The following ARHGEF7 variants were observed in gnomAD, a reference collection of about 807,000 sequenced individuals.
ARHGEF7 encodes PAK-interacting exchange factor beta.
ARHGEF7 carries 33 observed loss-of-function variants against 109.8 expected under a neutral mutation model. The ratio of observed to expected loss-of-function variants is 0.30; its 90% CI spans 0.23 to 0.40. ARHGEF7 has a LOEUF of 0.40. Ranked by LOEUF, ARHGEF7 falls within the 10% of genes least tolerant of loss-of-function variation. ARHGEF7 has a pLI of 1.00. For synonymous variants in ARHGEF7, 458 were observed against 424.6 expected, an observed-to-expected ratio of 1.08 and a Z score of -0.97; for missense variants, 938 against 1,098.5, an observed-to-expected ratio of 0.85 and a Z score of 2.07.
At chr13:111,235,933 T>G (rs953244126) in intron 6 of ARHGEF7, among the ~76,000 whole-genome samples, 1 of 152,216 alleles carries the variant, frequency 6.6e-6, no homozygotes, top group Non-Finnish European at 1.5e-5. Flanking sequence ...GAATGACTTG[T>G]CTTAACTTGG....
At chr13:111,256,940 C>G (rs1042884037) in intron 8 of ARHGEF7, among the ~76,000 whole-genome samples, 3 of 152,258 alleles carry the variant, frequency 2.0e-5, no homozygotes, top group African/African-American at 7.2e-5. Context: ...TATTCACCAG[C>G]TGGTCTTCAA....
At chr13:111,194,758 T>C (rs2080295515) in intron 2 of ARHGEF7, among the ~76,000 whole-genome samples, 1 of 152,242 alleles carries the variant, frequency 6.6e-6, no homozygotes, top group South Asian at 2.1e-4. Flanking sequence ...AGGTGAGGGC[T>C]ATCCCTAAAC....
At chr13:111,147,150 G>C (rs2075636105) in intron 1 of ARHGEF7, among the ~76,000 whole-genome samples, 1 of 152,168 alleles carries the variant, frequency 6.6e-6, no homozygotes, top group African/African-American at 2.4e-5. Context: ...TATAAATAAA[G>C]CTATGAACAT....
intron 5 of ARHGEF7, among the ~76,000 whole-genome samples, chr13:111,226,474 T>C (rs2085225289): frequency 6.6e-6 from 1 of 152,210 alleles, no homozygotes; most frequent in Non-Finnish European, 1.5e-5. Flanking sequence ...CCTTAAGAAT[T>C]ATGCTTAACC....
rs2075529726 is a variant in ARHGEF7, at chr13:111,145,186, G to C, written c.166-8719G>C. ...ATGGTAGTGGTGATAGTCTGTTTGT[G>C]GAAGCATTAGAATTCATTTAATCTG... On this transcript the variant is annotated intron_variant, in intron 1 of 21. Coordinates refer to ENST00000646102, the MANE Select transcript of ARHGEF7 (RefSeq NM_001354046.2). This position sits in a 1 kb window ranked among gnomAD's most constrained non-coding sequence, Gnocchi z 4.3. Among the ~76,000 whole-genome samples the C allele has an allele frequency of 1.3e-5, 2 of 152,098 alleles. No homozygotes were observed. Among genetic ancestry groups the C allele is most frequent in the Non-Finnish European group, 2.9e-5 (2 of 68,028 alleles).
Position 111,273,868 on chromosome 13 carries a change from C to T in ARHGEF7, c.1128C>T (p.Leu376=), listed in dbSNP as rs762841111. The T allele has an allele frequency of 1.8e-5, 29 of 1,614,068 alleles. No homozygotes were observed. The East Asian group carries it at 3.3e-4, about 19-fold the overall frequency. Residue 376 remains leucine, a synonymous_variant, in exon 10 of 22, where the codon CTC becomes CTT. Coordinates refer to ENST00000646102, the MANE Select transcript of ARHGEF7 (RefSeq NM_001354046.2). The surrounding 1 kb of genome is among the most constrained non-coding windows in gnomAD (Gnocchi z 4.5). ...ETKGASSPGI[L]VLTTGLSKPF... is the part of the protein sequence containing the mutation. ...AAGGTGCCAGCAGCCCTGGGATTCT[C>T]GTGCTGACCACGGGCCTGAGCAAAC...
chr13:111,283,596 G>A (rs1053407353), intron 16 of ARHGEF7, among the ~76,000 whole-genome samples: 3 of 152,234 alleles, frequency 2.0e-5, no homozygotes, highest in African/African-American at 7.2e-5. Flanking sequence ...CCATGCACAG[G>A]GGGGCCTTTA....
intron 2 of ARHGEF7, among the ~76,000 whole-genome samples, chr13:111,171,344 A>C (rs1192143048): frequency 6.6e-6 from 1 of 152,252 alleles, no homozygotes; most frequent in Non-Finnish European, 1.5e-5. Flanking sequence ...CTGCGTGTGC[A>C]GGAGTACAGG....
intron 5 of ARHGEF7, among the ~76,000 whole-genome samples, chr13:111,224,019 G>T (rs1364595981): frequency 6.6e-6 from 1 of 152,038 alleles, no homozygotes; most frequent in East Asian, 1.9e-4. Context: ...ACCACGCCCG[G>T]CTAATTTGTG....
At chr13:111,299,055 C>G (rs1045169980) in intron 19 of ARHGEF7, among the ~76,000 whole-genome samples, 1 of 152,188 alleles carries the variant, frequency 6.6e-6, no homozygotes, top group Admixed American at 6.5e-5. Flanking sequence ...CTTATGCCCG[C>G]GAGGATGAAG....
At chr13:111,165,170 G>A (rs2077028872) in intron 2 of ARHGEF7, among the ~76,000 whole-genome samples, 1 of 152,158 alleles carries the variant, frequency 6.6e-6, no homozygotes, top group Non-Finnish European at 1.5e-5. Flanking sequence ...CACTGGGACT[G>A]TATACTTGTA....
intron 19 of ARHGEF7, among the ~76,000 whole-genome samples, chr13:111,295,370 G>C (rs1233563651): frequency 6.6e-6 from 1 of 152,160 alleles, no homozygotes; most frequent in Non-Finnish European, 1.5e-5. Flanking sequence ...CCGTGTTCTG[G>C]ACAAGACGAA....
Position 111,163,780 on chromosome 13 carries a change from C to T in ARHGEF7, c.252+9789C>T, listed in dbSNP as rs2153399204. ...TAACTCCTGGGCTCAAGCAGTCTTC[C>T]CACCTCAGCCTCCCAGAGTGCTGGG... On this transcript the variant is annotated intron_variant, in intron 2 of 21. Coordinates refer to ENST00000646102, the MANE Select transcript of ARHGEF7 (RefSeq NM_001354046.2). 2.0e-5 allele frequency among the ~76,000 whole-genome samples: 3 copies of T among 152,236 alleles called. No homozygotes were observed. In the South Asian group the frequency reaches 6.2e-4, roughly 32 times the overall value.
chr13:111,296,240 G>A (rs1049147646), intron 19 of ARHGEF7, among the ~76,000 whole-genome samples: 3 of 151,194 alleles, frequency 2.0e-5, no homozygotes, highest in African/African-American at 7.3e-5. Flanking sequence ...AGAGATGTGT[G>A]ACTATTTGGG....
chr13:111,281,196 T>TTTTTTTTTTTTTTTTTTTTTTTTTTTC lies in ARHGEF7; in HGVS notation c.1725+532_1725+533insTTTTTTTTTTTTTCTTTTTTTTTTTTT, dbSNP rs1389466227. ...TATTTAGAGACTTTTTTTTTTTTTT[T>TTTTTTTTTTTTTTTTTTTTTTTTTTTC]TTTTTTTTTTTTTACAACTTTTCAG... is the stretch of plus-strand genomic sequence containing the variant. On this transcript the variant is annotated intron_variant, in intron 15 of 21. Coordinates refer to ENST00000646102, the MANE Select transcript of ARHGEF7 (RefSeq NM_001354046.2). 2 of 144,776 alleles carry TTTTTTTTTTTTTTTTTTTTTTTTTTTC rather than the reference T, an allele frequency of 1.4e-5. 1 individual carries two copies. The highest frequency in any genetic ancestry group is 3.0e-5 in the Non-Finnish European group (2 of 66,476). The allele number at this position is 144,776 out of a possible 1,614,324, so 9.0% of individuals were successfully genotyped here. A position where few individuals can be genotyped will look rare whatever the true frequency, so the allele number is the denominator to read the frequency against.
intron 1 of ARHGEF7, chr13:111,143,923 A>T (rs144352279): frequency 1.3e-5 from 2 of 152,380 alleles, no homozygotes; most frequent in East Asian, 3.8e-4. Flanking sequence ...GGTGAAATGT[A>T]TTCTGGGTTA....
intron 12 of ARHGEF7, 186 bp downstream of exon 12, chr13:111,275,864 G>C: frequency 1.4e-6 from 1 of 694,380 alleles, no homozygotes; most frequent in South Asian, 1.8e-5. Flanking sequence ...GCTTAGAGCT[G>C]AGTGTGGACT....
intron 1 of ARHGEF7, chr13:111,153,561 G>A (rs896906824): frequency 9.0e-6 from 9 of 1,002,238 alleles, no homozygotes; most frequent in South Asian, 2.8e-5. Context: ...CGGCAAAGCA[G>A]GGTGGGCTGC....
chr13:111,173,931 G>A (rs1015132415), intron 2 of ARHGEF7, among the ~76,000 whole-genome samples: 3 of 152,134 alleles, frequency 2.0e-5, no homozygotes, highest in Non-Finnish European at 4.4e-5. Flanking sequence ...GGGTCAACTT[G>A]TGTAGTGATT....
Sources: allele counts gnomAD v4.1 joint callset (sites outside exome capture counted in the v4.1 genomes callset), GRCh38; gene constraint gnomAD v4.1.1; non-coding constraint Gnocchi (gnomAD v3.1); transcripts MANE v1.5; gene names NCBI Gene and HGNC (gene_info 2026-07-23, HGNC 2026-07-21).